Variants in TEX36 observed in about 807,000 individuals in gnomAD.
TEX36 encodes testis-expressed protein 36.
Under a neutral mutation model 13.6 loss-of-function variants are expected in TEX36, and 12 were observed. That is an observed-to-expected ratio of 0.88 (90% CI 0.56 to 1.43). TEX36 has a LOEUF of 1.43. Ranked by LOEUF, TEX36 falls within the 40% of genes most tolerant of loss-of-function variation. TEX36 has a pLI of 0.00. For missense variants in TEX36, 224 were observed against 228.3 expected (o/e 0.98, Z 0.12); for synonymous variants, 93 against 83.0 (o/e 1.12, Z -0.65).
At chr10:125,651,734 A>G (rs1245514968), downstream of TEX36, among the ~76,000 whole-genome samples, 1 of 152,194 alleles carries the variant, frequency 6.6e-6, no homozygotes, top group Non-Finnish European at 1.5e-5. Context: ...ACATGATTTT[A>G]TATTTAGAAA....
At chr10:125,610,850 A>G (rs1846280268) in intron 3 of TEX36, among the ~76,000 whole-genome samples, 1 of 152,166 alleles carries the variant, frequency 6.6e-6, no homozygotes, top group African/African-American at 2.4e-5. Flanking sequence ...CTAGTGTGCT[A>G]TAATGCTCTC....
chr10:125,638,354 AAAAG>A (rs958152640), intron 3 of TEX36, among the ~76,000 whole-genome samples: 2 of 152,116 alleles, frequency 1.3e-5, no homozygotes, highest in Admixed American at 6.5e-5. Context: ...AAAATCCTAA[AAAAG>A]AAAGAGAGAG....
At chr10:125,605,758 C>T (rs981953510) in intron 3 of TEX36, among the ~76,000 whole-genome samples, 1 of 152,128 alleles carries the variant, frequency 6.6e-6, no homozygotes, top group East Asian at 1.9e-4. Flanking sequence ...CCCACCAACA[C>T]ACCTGGCTAA....
chr10:125,576,877 G>A (rs1484479328), intron 3 of TEX36: 2 of 1,535,982 alleles, frequency 1.3e-6, no homozygotes, highest in Non-Finnish European at 1.7e-6. Flanking sequence ...ATTCTTTCCT[G>A]TGAGGAAGAG....
At chr10:125,669,767 G>A (rs902043823) in intron 1 of TEX36, among the ~76,000 whole-genome samples, 2 of 152,118 alleles carry the variant, frequency 1.3e-5, no homozygotes, top group African/African-American at 2.4e-5. Context: ...CCCCGTAACA[G>A]GCCCCAGTGT....
chr10:125,655,823 G>T lies in TEX36; in HGVS notation c.*77C>A, dbSNP rs1429719566. On this transcript the variant is annotated 3_prime_UTR_variant, in exon 4 of 4. Coordinates refer to ENST00000368821, the MANE Select transcript of TEX36 (RefSeq NM_001128202.3). ...CTTTAAAAATTAAATAGTGGTGCTGGATCAGAAAACATATACTTTTAGGAT... is the reference window on the plus strand; with the variant it reads ...CTTTAAAAATTAAATAGTGGTGCTGTATCAGAAAACATATACTTTTAGGAT... 2 of 1,381,664 alleles carry T rather than the reference G, an allele frequency of 1.4e-6. No homozygotes were observed. The highest frequency in any genetic ancestry group is 1.9e-5 in the South Asian group (1 of 52,068). 85.6% of individuals were successfully genotyped at this position (1,381,664 alleles called of 1,614,324 possible). A position where few individuals can be genotyped will look rare whatever the true frequency, so the allele number is the denominator to read the frequency against.
At chr10:125,629,071 C>T (rs1846521900) in intron 3 of TEX36, among the ~76,000 whole-genome samples, 1 of 152,206 alleles carries the variant, frequency 6.6e-6, no homozygotes, top group African/African-American at 2.4e-5. Flanking sequence ...GCTCCATGGC[C>T]TCTCTGTAGT....
intron 1 of TEX36, chr10:125,667,798 G>T: frequency 1.9e-6 from 2 of 1,075,658 alleles, no homozygotes; most frequent in Non-Finnish European, 2.8e-6. Context: ...TCTCTTTGGT[G>T]TTCTCGGCGT....
At chr10:125,679,153 G>T (rs1205944303) in intron 1 of TEX36, among the ~76,000 whole-genome samples, 1 of 68,608 alleles carries the variant, frequency 1.5e-5, no homozygotes, top group African/African-American at 7.4e-5. Flanking sequence ...CCCCGCCCCC[G>T]CCAAGCTGAC....
At chr10:125,624,578 C>T (rs1037968116) in intron 3 of TEX36, among the ~76,000 whole-genome samples, 7 of 151,888 alleles carry the variant, frequency 4.6e-5, no homozygotes, top group East Asian at 1.9e-4. Context: ...GGTCTCCATA[C>T]ACTCCCCACC....
At chr10:125,591,698 A>G (rs1846023001) in intron 3 of TEX36, among the ~76,000 whole-genome samples, 2 of 152,364 alleles carry the variant, frequency 1.3e-5, no homozygotes, top group South Asian at 4.1e-4. Context: ...AAGTGTAGCT[A>G]TAATACACAT....
At chr10:125,661,225 C>A in intron 2 of TEX36, 124 bp from the exon 3 acceptor site, 1 of 761,018 alleles carries the variant, frequency 1.3e-6, no homozygotes, top group Non-Finnish European at 2.3e-6. Flanking sequence ...GACAATGAAA[C>A]CTGGCCCCAG....
At chr10:125,653,321 G>A (rs1452489964), downstream of TEX36, among the ~76,000 whole-genome samples, 1 of 152,142 alleles carries the variant, frequency 6.6e-6, no homozygotes, top group African/African-American at 2.4e-5. Context: ...AAAAGGATGA[G>A]TTCATGTCCT....
In TEX36 at chr10:125,649,953, T is replaced by A. The variant is rs1589772718; in HGVS notation, c.264+11068A>T. On this transcript the variant is annotated intron_variant, in intron 3 of 3. Coordinates refer to the TEX36 transcript ENST00000526819. ...ATTTATCAAGAAGAGCTAACTATCC[T>A]AAATATATATGCACCCAATACAGGA... Among the ~76,000 whole-genome samples the A allele has an allele frequency of 3.3e-5, 5 of 152,334 alleles. No homozygotes were observed. In the South Asian group the frequency reaches 1.0e-3, roughly 32 times the overall value.
intron 3 of TEX36, among the ~76,000 whole-genome samples, chr10:125,598,017 C>G (rs1371709578): frequency 6.6e-6 from 1 of 152,068 alleles, no homozygotes; most frequent in African/African-American, 2.4e-5. Flanking sequence ...TGGAATTTCC[C>G]TTGAAGAGAC....
chr10:125,676,420 C>T (rs534772498), intron 1 of TEX36, among the ~76,000 whole-genome samples: 1 of 152,244 alleles, frequency 6.6e-6, no homozygotes, highest in African/African-American at 2.4e-5. Flanking sequence ...TATCTAAGTA[C>T]AGCTACTGTT....
chr10:125,671,721 T>A (rs564491714), intron 1 of TEX36, among the ~76,000 whole-genome samples: 2 of 152,242 alleles, frequency 1.3e-5, no homozygotes, highest in Non-Finnish European at 2.9e-5. Flanking sequence ...AGCTCTTTTT[T>A]GTACCTCTGG....
At chr10:125,668,874 C>G (rs1223381765) in intron 1 of TEX36, among the ~76,000 whole-genome samples, 1 of 152,156 alleles carries the variant, frequency 6.6e-6, no homozygotes, top group Admixed American at 6.6e-5. Context: ...TTTTCCTCTG[C>G]TTGGCCGGGC....
intron 3 of TEX36, among the ~76,000 whole-genome samples, chr10:125,628,602 A>C (rs1438985501): frequency 1.3e-5 from 2 of 152,212 alleles, no homozygotes; most frequent in Non-Finnish European, 2.9e-5. Flanking sequence ...GGAAGTGTGG[A>C]ATGGAGCATC....
Sources: allele counts gnomAD v4.1 joint callset (sites outside exome capture counted in the v4.1 genomes callset), GRCh38; gene constraint gnomAD v4.1.1; transcripts MANE v1.5; gene names NCBI Gene and HGNC (gene_info 2026-07-23, HGNC 2026-07-21).